RIOX2: variants seen among roughly 807,000 people sequenced by gnomAD.
RIOX2 encodes the protein ribosomal oxygenase 2, also known as 60S ribosomal protein L27a histidine hydroxylase.
RIOX2 carries 43 observed loss-of-function variants against 51.2 expected under a neutral mutation model. The observed-to-expected ratio is 0.84, with a 90% CI of 0.66 to 1.08. The LOEUF (loss-of-function observed/expected upper bound fraction) is 1.08, where lower values mean the gene tolerates loss of function less well. Ranked by LOEUF, RIOX2 falls within the 50% of genes least tolerant of loss-of-function variation. RIOX2 has a pLI of 0.00. For synonymous variants in RIOX2, 226 were observed against 218.5 expected (o/e 1.03, Z -0.30); for missense variants, 566 against 561.7 (o/e 1.01, Z -0.08).
intron 3 of RIOX2, 127 bp from the exon 4 acceptor site, chr3:97,959,306 G>GTTTTTTTTTTTTTTT (rs67345115): frequency 4.5e-6 from 1 of 222,424 alleles, no homozygotes; most frequent in Non-Finnish European, 7.6e-6. Context: ...AACAACACAG[G>GTTTTTTTTTTTTTTT]TTTTTTTTTT....
intron 1 of RIOX2, among the ~76,000 whole-genome samples, chr3:97,968,427 T>C (rs933918016): frequency 6.6e-5 from 10 of 152,210 alleles, no homozygotes; most frequent in Admixed American, 1.3e-4. Context: ...AACACAGCAC[T>C]TCTCCAACTT....
intron 1 of RIOX2, among the ~76,000 whole-genome samples, chr3:97,968,528 A>C (rs894758456): frequency 5.3e-5 from 8 of 152,208 alleles, no homozygotes; most frequent in African/African-American, 1.9e-4. Context: ...TGCATTTCTA[A>C]CAGGCTCCCA....
chr3:97,970,566 T>C (rs1706089967), intron 1 of RIOX2, among the ~76,000 whole-genome samples: 1 of 152,212 alleles, frequency 6.6e-6, no homozygotes, highest in Admixed American at 6.5e-5. Flanking sequence ...TAGAATCCAA[T>C]ACTATAGTAA....
At chr3:97,965,105 A>G (rs1705831924) in intron 2 of RIOX2, among the ~76,000 whole-genome samples, 1 of 151,660 alleles carries the variant, frequency 6.6e-6, no homozygotes, top group South Asian at 2.1e-4. Context: ...AACACACACA[A>G]TGCCAAACCA....
At chr3:97,960,502 T>C (rs1705636283) in intron 3 of RIOX2, among the ~76,000 whole-genome samples, 2 of 152,314 alleles carry the variant, frequency 1.3e-5, no homozygotes, top group Middle Eastern at 3.4e-3. Context: ...AGTTAAGTTT[T>C]AGGGAAGTCA....
chr3:97,968,543 A>G (rs1705991700), intron 1 of RIOX2, among the ~76,000 whole-genome samples: 1 of 152,192 alleles, frequency 6.6e-6, no homozygotes, highest in Non-Finnish European at 1.5e-5. Flanking sequence ...CTCCCAGGTG[A>G]TGCTTCTGCT....
chr3:97,969,774 C>T (rs1218871529), intron 1 of RIOX2, among the ~76,000 whole-genome samples: 1 of 152,188 alleles, frequency 6.6e-6, no homozygotes, highest in Non-Finnish European at 1.5e-5. Flanking sequence ...AGTGTGACCG[C>T]TCGAAGACCC....
Position 97,944,050 on chromosome 3 carries a change from T to C in RIOX2, c.*1134A>G, listed in dbSNP as rs1207310738. ...CATCCCTTTAGGTGACAAGACTCTA[T>C]AACAGTGGTTACCTGTCTCCATGTT... On this transcript the variant is annotated 3_prime_UTR_variant, in exon 10 of 10. Coordinates refer to ENST00000394198, the MANE Select transcript of RIOX2 (RefSeq NM_153182.4). 1 of 151,722 alleles carries C rather than the reference T, an allele frequency of 6.6e-6. No individual in the cohort carries two copies. The highest frequency in any genetic ancestry group is 1.9e-4 in the East Asian group (1 of 5,164). The allele number at this position is 151,722 out of a possible 1,614,324, so 9.4% of individuals were successfully genotyped here. A position where few individuals can be genotyped will look rare whatever the true frequency, so the allele number is the denominator to read the frequency against.
In RIOX2 at chr3:97,941,923, C is replaced by T. The variant is rs1439751428; in HGVS notation, c.*3261G>A. 1 of 162,194 alleles carries T rather than the reference C, an allele frequency of 6.2e-6. No homozygotes were observed. The highest frequency in any genetic ancestry group is 2.4e-5 in the African/African-American group (1 of 41,842). 10.0% of individuals were successfully genotyped at this position (162,194 alleles called of 1,614,324 possible). On this transcript the variant is annotated 3_prime_UTR_variant, in exon 10 of 10. Transcript: ENST00000394198. ...GTAATTATTGTCTGGATATCTTTAG[C>T]CCATCATGCAATGTTTTCATAAGAA...
intron 4 of RIOX2, among the ~76,000 whole-genome samples, chr3:97,955,550 G>A (rs1439955760): frequency 6.6e-6 from 1 of 151,992 alleles, no homozygotes; most frequent in African/African-American, 2.4e-5. Flanking sequence ...CTCAAAGCAA[G>A]AGGAATATAT....
At chr3:97,948,598 C>G (rs552419374) in intron 7 of RIOX2, among the ~76,000 whole-genome samples, 1 of 152,300 alleles carries the variant, frequency 6.6e-6, no homozygotes, top group South Asian at 2.1e-4. Flanking sequence ...GTGACCACTT[C>G]CGCTTTACCA....
chr3:97,957,389 G>A (rs1337488953), intron 4 of RIOX2, among the ~76,000 whole-genome samples: 3 of 151,898 alleles, frequency 2.0e-5, no homozygotes, highest in South Asian at 2.1e-4. Flanking sequence ...CCAGCTACTC[G>A]GGAGGCTGAG....
intron 3 of RIOX2, among the ~76,000 whole-genome samples, chr3:97,959,676 T>C: frequency 6.6e-6 from 1 of 152,056 alleles, no homozygotes; most frequent in East Asian, 1.9e-4. Flanking sequence ...TAAATTATAT[T>C]GGAAAATTTG....
rs151141901 is a variant in RIOX2 at position 97,957,748 on chromosome 3, CG to C, written c.681+1302del. On this transcript the variant is annotated intron_variant, in intron 4 of 9. Coordinates refer to ENST00000394198, the MANE Select transcript of RIOX2 (RefSeq NM_153182.4). ...GCCTGAGTAACTCAGCCCTGACTTC[CG>C]AGAGTACAGATGGCTTAGTCTTTAA... Among the ~76,000 whole-genome samples the C allele has an allele frequency of 7.4e-3, 1,131 of 152,210 alleles. 11 individuals are homozygous for C. The highest frequency in any genetic ancestry group is 0.025 in the African/African-American group (1,055 of 41,522).
Position 97,942,999 on chromosome 3 carries a change from C to T in RIOX2, c.*2185G>A, listed in dbSNP as rs561734787. On this transcript the variant is annotated 3_prime_UTR_variant, in exon 10 of 10. Coordinates refer to ENST00000394198, the MANE Select transcript of RIOX2 (RefSeq NM_153182.4). ...ATCACATTAAGGCACGCCACTTATACAATCATGTATTATACCTTTTAGTAT... is the reference window on the plus strand; with the variant it reads ...ATCACATTAAGGCACGCCACTTATATAATCATGTATTATACCTTTTAGTAT... The T allele has an allele frequency of 2.1e-6, 1 of 470,516 alleles. No homozygotes were observed. Among genetic ancestry groups the T allele is most frequent in the African/African-American group, 2.1e-5 (1 of 48,594 alleles). The allele number at this position is 470,516 out of a possible 1,614,324, so 29.1% of individuals were successfully genotyped here. A position where few individuals can be genotyped will look rare whatever the true frequency, so the allele number is the denominator to read the frequency against.
intron 2 of RIOX2, among the ~76,000 whole-genome samples, chr3:97,962,367 C>A (rs376720930): frequency 1.6e-5 from 2 of 125,234 alleles, no homozygotes; most frequent in Non-Finnish European, 1.8e-5. Flanking sequence ...CCCCCCCCCC[C>A]CCCCCCACAT....
chr3:97,945,489 A>G (rs377660314), intron 9 of RIOX2, 147 bp from the exon 10 acceptor site: 1 of 708,386 alleles, frequency 1.4e-6, no homozygotes. Flanking sequence ...ATAACATAAA[A>G]GATGCCAACT....
At chr3:97,950,960 T>C (rs1005170844) in intron 5 of RIOX2, 72 bp from the exon 6 acceptor site, 17 of 1,106,604 alleles carry the variant, frequency 1.5e-5, no homozygotes, top group African/African-American at 6.2e-5. Flanking sequence ...AAAATACTTA[T>C]TGCTAGTAAA....
chr3:97,942,341 G>C lies in RIOX2; in HGVS notation c.*2843C>G. 6.2e-7 allele frequency: 1 copy of C among 1,611,764 alleles called. No homozygotes were observed. Among genetic ancestry groups the C allele is most frequent in the Non-Finnish European group, 8.5e-7 (1 of 1,178,538 alleles). ...CCGGGACACACCTGGAGCTAAAGTA[G>C]CTCTATGGACTGAACATGGGCAATT... On this transcript the variant is annotated 3_prime_UTR_variant, in exon 10 of 10. Coordinates refer to ENST00000394198, the MANE Select transcript of RIOX2 (RefSeq NM_153182.4).
Sources: gnomAD v4.1 joint callset for allele counts (sites outside exome capture counted in the v4.1 genomes callset) on GRCh38, gnomAD v4.1.1 for gene constraint, MANE v1.5 for transcripts, NCBI Gene and HGNC (gene_info 2026-07-23, HGNC 2026-07-21) for gene names.